SYNE2: variants seen among roughly 807,000 people sequenced by gnomAD.
SYNE2 encodes spectrin repeat containing nuclear envelope protein 2.
In SYNE2, 431 loss-of-function variants were observed where a neutral mutation model predicts 856.3. The observed-to-expected ratio is 0.50, with a 90% CI of 0.47 to 0.55. SYNE2 has a LOEUF of 0.55. SYNE2 is among the 20% of genes least tolerant of loss of function. The probability of loss-of-function intolerance (pLI) is 0.00; values close to 1 mark genes in which losing one functional copy is unlikely to be tolerated. For missense variants in SYNE2, 8,129 were observed against 8,023.2 expected (o/e 1.01, Z -0.50); for synonymous variants, 2,923 against 2,872.3 (o/e 1.02, Z -0.56).
In SYNE2 at chr14:63,836,698, T is replaced by C. The variant is rs1305974444; in HGVS notation, c.-304-15803T>C. Among the ~76,000 whole-genome samples, 4 of 152,318 alleles carry C rather than the reference T, an allele frequency of 2.6e-5. No homozygotes were observed. The East Asian group carries it at 5.8e-4, about 22-fold the overall frequency. On this transcript the variant is annotated intron_variant, in intron 1 of 23. Transcript: ENST00000674003. Reference sequence around the variant, plus strand: ...ACACCATCATCTCTTGCCTGAATTATTGCAATGGCCTCACAGTGGATCTGC... The same window carrying C: ...ACACCATCATCTCTTGCCTGAATTACTGCAATGGCCTCACAGTGGATCTGC...
rs1485742856 is a variant in SYNE2, at chr14:63,990,535, A to G, written c.2438A>G (p.Gln813Arg). 1.9e-6 allele frequency: 3 copies of G among 1,613,970 alleles called. No homozygotes were observed. Among genetic ancestry groups the G allele is most frequent in the Non-Finnish European group, 2.5e-6 (3 of 1,179,932 alleles). ...CAACATGTTCTCACAACTGGGCTTCAGGCAAAGATTCAAGAAGCTAAAGAG... is the reference window on the plus strand; with the variant it reads ...CAACATGTTCTCACAACTGGGCTTCGGGCAAAGATTCAAGAAGCTAAAGAG... ...SFQHVLTTGL[Q>R]AKIQEAKEKV... The change falls in exon 20 of 116, where the codon CAG (glutamine) becomes CGG (arginine). Residue 813 changes from glutamine (Q) to arginine (R), a missense_variant. By Grantham distance (43) the Gln-to-Arg change is conservative. This residue lies in a region of SYNE2 where 2,422 missense variants were observed against 2,357.4 expected (regional missense o/e 1.03). Transcript: ENST00000555002.
intron 83 of SYNE2, 61 bp from the exon 84 acceptor site, chr14:64,146,007 A>T (rs1257164321): frequency 2.4e-6 from 3 of 1,230,168 alleles, no homozygotes; most frequent in Non-Finnish European, 3.3e-6. Context: ...AAATAACGTC[A>T]TGGCATTTAC....
At chr14:64,037,297 TC>T (rs2097098909) in intron 45 of SYNE2, among the ~76,000 whole-genome samples, 1 of 151,682 alleles carries the variant, frequency 6.6e-6, no homozygotes, top group African/African-American at 2.4e-5. Context: ...AGTGTTTGTG[TC>T]CCTGGGTACT....
At chr14:64,201,067 C>T (rs544642081) in intron 99 of SYNE2, among the ~76,000 whole-genome samples, 7 of 152,312 alleles carry the variant, frequency 4.6e-5, no homozygotes, top group African/African-American at 1.7e-4. Context: ...TCAAGCTCAC[C>T]GCCACCTGCA....
Position 64,224,582 on chromosome 14 carries a change from G to T in SYNE2, c.20469+35G>T. 1.9e-6 allele frequency: 3 copies of T among 1,611,616 alleles called. No homozygotes were observed. In the South Asian group the frequency reaches 3.3e-5, roughly 18 times the overall value. ...CCCTTCCTTCTGTGAGAACCTCACT[G>T]GTTATTTTTTAAAGTCACTAAGATG... On this transcript the variant is annotated intron_variant, in intron 114 of 115. Transcript: ENST00000555002.
At position 64,101,450 on chromosome 14, in the gene SYNE2, T is replaced by C. The variant is rs1051993132; in HGVS notation, c.12382-482T>C. On this transcript the variant is annotated intron_variant, in intron 63 of 115. Coordinates refer to ENST00000555002, the MANE Select transcript of SYNE2 (RefSeq NM_182914.3). ...CATTTTAATTTTTCTAACTTTTACG[T>C]ATTTTTAAATATTTATTTAGAGATG... Among the ~76,000 whole-genome samples, 8 of 152,312 alleles carry C rather than the reference T, an allele frequency of 5.3e-5. No homozygotes were observed. In the East Asian group the frequency reaches 1.4e-3, roughly 26 times the overall value.
intron 45 of SYNE2, among the ~76,000 whole-genome samples, chr14:64,041,967 A>C (rs1409636111): frequency 1.3e-5 from 2 of 152,202 alleles, no homozygotes; most frequent in Non-Finnish European, 2.9e-5. Context: ...GAATCAAAGG[A>C]AGCACACTAC....
intron 35 of SYNE2, 127 bp downstream of exon 35, chr14:64,020,220 A>G (rs1190551553): frequency 1.4e-6 from 1 of 690,716 alleles, no homozygotes; most frequent in Non-Finnish European, 2.5e-6. Flanking sequence ...GGCCCAATTA[A>G]AGATTCTCTA....
chr14:63,836,707 C>A (rs1889869223), intron 1 of SYNE2, among the ~76,000 whole-genome samples: 1 of 152,152 alleles, frequency 6.6e-6, no homozygotes, highest in Non-Finnish European at 1.5e-5. Flanking sequence ...ATTGCAATGG[C>A]CTCACAGTGG....
At chr14:63,929,784 AT>A (rs58003727) in intron 2 of SYNE2, among the ~76,000 whole-genome samples, 5 of 149,456 alleles carry the variant, frequency 3.3e-5, no homozygotes, top group Admixed American at 6.7e-5. Context: ...AAAAAAAAAA[AT>A]TTTTTTTTTC....
intron 57 of SYNE2, among the ~76,000 whole-genome samples, chr14:64,085,959 G>T (rs894428008): frequency 6.6e-6 from 1 of 152,112 alleles, no homozygotes; most frequent in East Asian, 1.9e-4. Context: ...TCTGCGGCTT[G>T]TCTTTTCATT....
At chr14:64,183,725 C>A in intron 96 of SYNE2, among the ~76,000 whole-genome samples, 1 of 152,124 alleles carries the variant, frequency 6.6e-6, no homozygotes, top group Non-Finnish European at 1.5e-5. Context: ...ACCAGCCTGG[C>A]CAACACAGCG....
intron 100 of SYNE2, among the ~76,000 whole-genome samples, chr14:64,207,362 C>G (rs1334499256): frequency 6.6e-6 from 1 of 152,066 alleles, no homozygotes; most frequent in Non-Finnish European, 1.5e-5. Context: ...ATCACTTGAG[C>G]TCAGAAGTTT....
intron 108 of SYNE2, 24 bp from the exon 109 acceptor site, chr14:64,218,374 A>C: frequency 6.2e-7 from 1 of 1,602,604 alleles, no homozygotes; most frequent in Non-Finnish European, 8.5e-7. Flanking sequence ...TACAGATGGT[A>C]ACTTAAAAAC....
chr14:63,977,574 G>T (rs1405865235), intron 12 of SYNE2, among the ~76,000 whole-genome samples: 2 of 152,058 alleles, frequency 1.3e-5, no homozygotes, highest in Non-Finnish European at 2.9e-5. Context: ...AATATAGCAA[G>T]ACCCCACCTC....
intron 1 of SYNE2, among the ~76,000 whole-genome samples, chr14:63,878,452 A>G (rs2094778966): frequency 6.6e-6 from 1 of 152,230 alleles, no homozygotes; most frequent in Admixed American, 6.5e-5. Context: ...CCACACAAGA[A>G]TCAAGACAAT....
chr14:64,166,684 G>C (rs997910795), intron 90 of SYNE2: 2 of 174,618 alleles, frequency 1.1e-5, no homozygotes, highest in Admixed American at 1.1e-4. Context: ...AGTGGCTCAC[G>C]CCTGTAATCC....
In SYNE2 at chr14:64,098,093, G is replaced by T. The variant is rs772564360; in HGVS notation, c.12253G>T (p.Ala4085Ser). The change falls in exon 62 of 116, where the codon GCT becomes TCT. Residue 4085 changes from alanine to serine, a missense_variant. By Grantham distance (99) the Ala-to-Ser change is moderately conservative (BLOSUM62 1). Around this residue, in one of 3 missense-constraint regions of SYNE2, gnomAD observed 5,410 missense variants for 5,284.8 expected, o/e 1.02. Coordinates refer to ENST00000555002, the MANE Select transcript of SYNE2 (RefSeq NM_182914.3). ...QEGVERDRLP[A>S]VTSEEGGVAE... ...AGGAGTAGAAAGAGATAGGCTGCCAGCTGTAACATCAGAGGAAGGTGGAGT... is the reference window on the plus strand; with the variant it reads ...AGGAGTAGAAAGAGATAGGCTGCCATCTGTAACATCAGAGGAAGGTGGAGT... The T allele has an allele frequency of 3.1e-6, 5 of 1,614,180 alleles. No individual in the cohort carries two copies. The Admixed American group carries it at 5.0e-5, about 16-fold the overall frequency.
At chr14:64,183,302 C>T (rs1311932772) in intron 96 of SYNE2, among the ~76,000 whole-genome samples, 1 of 149,568 alleles carries the variant, frequency 6.7e-6, no homozygotes, top group Non-Finnish European at 1.5e-5. Context: ...CAGAGGCGCT[C>T]CTCCCATCCC....
Sources: allele counts gnomAD v4.1 joint callset (sites outside exome capture counted in the v4.1 genomes callset), GRCh38; gene constraint gnomAD v4.1.1; regional missense constraint gnomAD v4.1.1; transcripts MANE v1.5; gene names NCBI Gene and HGNC (gene_info 2026-07-23, HGNC 2026-07-21).